Variants in IFT56 observed in about 807,000 individuals in gnomAD.
IFT56 encodes intraflagellar transport protein 56.
the IFT56 span, among the ~76,000 whole-genome samples, chr7:139,183,655 A>G: frequency 1.0e-3 from 157 of 152,092 alleles, no homozygotes; most frequent in African/African-American, 3.7e-3. Context: ...ATATATTTAC[A>G]TAGGTCAAAA....
At chr7:139,183,941 A>T in the IFT56 span, among the ~76,000 whole-genome samples, 3 of 152,220 alleles carry the variant, frequency 2.0e-5, no homozygotes, top group African/African-American at 7.2e-5. Flanking sequence ...ACTCAGTAAT[A>T]AAAAGGAACT....
chr7:139,181,938 A>G, the IFT56 span, among the ~76,000 whole-genome samples: 2 of 152,224 alleles, frequency 1.3e-5, no homozygotes, highest in Non-Finnish European at 1.5e-5. Context: ...AAAAACAGTG[A>G]GATTACCCAA....
At chr7:139,178,110 T>C in the IFT56 span, 4 of 783,422 alleles carry the variant, frequency 5.1e-6, no homozygotes, top group Non-Finnish European at 6.2e-6. Flanking sequence ...GAAAGATATT[T>C]TGGAATATTT....
chr7:139,190,566 G>C, the IFT56 span: 1 of 152,088 alleles, frequency 6.6e-6, no homozygotes, highest in Admixed American at 6.5e-5. Flanking sequence ...TTTGAAAGTA[G>C]GGCTACAGTG....
At chr7:139,150,427 G>T in the IFT56 span, among the ~76,000 whole-genome samples, 1 of 152,116 alleles carries the variant, frequency 6.6e-6, no homozygotes, top group Non-Finnish European at 1.5e-5. Flanking sequence ...CCATAGTCTA[G>T]TATGGTTACT....
chr7:139,155,748 AT>A, the IFT56 span, among the ~76,000 whole-genome samples: 3 of 150,994 alleles, frequency 2.0e-5, no homozygotes, highest in African/African-American at 2.4e-5. Flanking sequence ...TTCTCTTGTA[AT>A]TTTTTTTTGG....
At chr7:139,176,227 G>T in the IFT56 span, among the ~76,000 whole-genome samples, 1 of 151,996 alleles carries the variant, frequency 6.6e-6, no homozygotes, top group Admixed American at 6.6e-5. Flanking sequence ...GTAACACAAA[G>T]AAAGGATAAA....
At chr7:139,159,956 C>T in the IFT56 span, among the ~76,000 whole-genome samples, 1,029 of 152,052 alleles carry the variant, frequency 6.8e-3, 15 homozygotes, top group African/African-American at 0.024. Context: ...ATTTCTGATA[C>T]GATAAGTATT....
At chr7:139,173,426 G>A in the IFT56 span, 11 of 529,338 alleles carry the variant, frequency 2.1e-5, no homozygotes, top group African/African-American at 7.8e-5. Flanking sequence ...ACGAGGTTTC[G>A]CCATGTTGGC....
chr7:139,170,033 C>T, the IFT56 span, among the ~76,000 whole-genome samples: 2 of 152,106 alleles, frequency 1.3e-5, no homozygotes, highest in African/African-American at 4.8e-5. Context: ...ATACACCATA[C>T]AACCAATACT....
the IFT56 span, chr7:139,189,703 C>G: frequency 4.2e-6 from 1 of 238,742 alleles, no homozygotes; most frequent in Non-Finnish European, 8.1e-6. Flanking sequence ...TACTTTTATG[C>G]AATTTACTGA....
chr7:139,167,841 T>C, the IFT56 span, among the ~76,000 whole-genome samples: 1 of 151,138 alleles, frequency 6.6e-6, no homozygotes, highest in African/African-American at 2.4e-5. Flanking sequence ...CTCGGGAGGC[T>C]GAGGTAGGAG....
chr7:139,162,900 A>G, the IFT56 span, among the ~76,000 whole-genome samples: 1 of 151,894 alleles, frequency 6.6e-6, no homozygotes, highest in African/African-American at 2.4e-5. Flanking sequence ...TGAAGCTTGC[A>G]GTGAGCCAAG....
chr7:139,148,300 C>T, the IFT56 span: 1 of 1,614,062 alleles, frequency 6.2e-7, no homozygotes, highest in Non-Finnish European at 8.5e-7. Flanking sequence ...TTACCTTCAG[C>T]AAATTCCTGA....
At chr7:139,171,255 T>C in the IFT56 span, among the ~76,000 whole-genome samples, 2 of 152,176 alleles carry the variant, frequency 1.3e-5, no homozygotes, top group African/African-American at 4.8e-5. Context: ...GTTGTTAAAA[T>C]GTTCATACTA....
At chr7:139,167,592 G>A in the IFT56 span, among the ~76,000 whole-genome samples, 1 of 152,096 alleles carries the variant, frequency 6.6e-6, no homozygotes, top group Non-Finnish European at 1.5e-5. Flanking sequence ...GATATCAGAG[G>A]ACACTTTTTT....
At chr7:139,177,380 C>T in the IFT56 span, among the ~76,000 whole-genome samples, 1 of 151,104 alleles carries the variant, frequency 6.6e-6, no homozygotes, top group African/African-American at 2.4e-5. Flanking sequence ...ATTCCTAAGA[C>T]TCCTTATTCT....
the IFT56 span, among the ~76,000 whole-genome samples, chr7:139,145,420 AT>A: frequency 1.3e-5 from 2 of 151,010 alleles, no homozygotes; most frequent in African/African-American, 4.9e-5. Context: ...CTTCACGTAG[AT>A]TTTTTTTGTT....
the IFT56 span, among the ~76,000 whole-genome samples, chr7:139,161,740 C>T: frequency 1.2e-4 from 19 of 152,286 alleles, no homozygotes; most frequent in Admixed American, 7.8e-4. Flanking sequence ...AATCTCTATT[C>T]AGTTACTAAA....
Sources: gnomAD v4.1 joint callset for allele counts (sites outside exome capture counted in the v4.1 genomes callset) on GRCh38, gnomAD v4.1.1 for gene constraint, MANE v1.5 for transcripts, NCBI Gene and HGNC (gene_info 2026-07-23, HGNC 2026-07-21) for gene names.